SBF2: variants seen among roughly 807,000 people sequenced by gnomAD.
SBF2 encodes the protein SET binding factor 2.
A neutral mutation model predicts 225.2 loss-of-function variants in SBF2; 112 were observed. The ratio of observed to expected loss-of-function variants is 0.50; its 90% CI spans 0.43 to 0.58. SBF2 has a LOEUF of 0.58. Ranked by LOEUF, SBF2 falls within the 20% of genes least tolerant of loss-of-function variation. The pLI, the probability that SBF2 is intolerant of heterozygous loss-of-function variation, is 0.00. For missense variants in SBF2, 1,996 were observed against 2,206.2 expected, an observed-to-expected ratio of 0.90 and a Z score of 1.91; for synonymous variants, 763 against 773.3, an observed-to-expected ratio of 0.99 and a Z score of 0.22.
At chr11:9,912,836 A>G (rs1329804873) in intron 16 of SBF2, among the ~76,000 whole-genome samples, 1 of 152,274 alleles carries the variant, frequency 6.6e-6, no homozygotes, top group Non-Finnish European at 1.5e-5. Context: ...GGCATCATGA[A>G]GAGTCAAATG....
intron 13 of SBF2, among the ~76,000 whole-genome samples, chr11:9,982,423 G>T (rs1590674120): frequency 6.6e-6 from 1 of 152,142 alleles, no homozygotes. Flanking sequence ...GAAAAATGTG[G>T]TCTATTTTGA....
intron 17 of SBF2, among the ~76,000 whole-genome samples, chr11:9,872,305 C>A (rs753143840): frequency 1.3e-5 from 2 of 152,102 alleles, no homozygotes; most frequent in African/African-American, 2.4e-5. Context: ...ACAACACACA[C>A]TGGGGCCTGT....
At chr11:10,251,485 A>T (rs1960343399) in intron 1 of SBF2, among the ~76,000 whole-genome samples, 1 of 152,232 alleles carries the variant, frequency 6.6e-6, no homozygotes, top group South Asian at 2.1e-4. Flanking sequence ...CTTGTGGCCT[A>T]TGGACAAATC....
intron 33 of SBF2, chr11:9,790,897 T>G: frequency 2.3e-6 from 1 of 442,532 alleles, no homozygotes; most frequent in Non-Finnish European, 4.1e-6. Flanking sequence ...AGGAAACATC[T>G]GATAAAGTTT....
At chr11:10,227,148 C>T (rs1958603496) in intron 1 of SBF2, among the ~76,000 whole-genome samples, 1 of 152,108 alleles carries the variant, frequency 6.6e-6, no homozygotes, top group Non-Finnish European at 1.5e-5. Context: ...TGTTCATATC[C>T]TTTGCCCGCT....
chr11:10,263,977 T>C (rs1316096826), intron 1 of SBF2, among the ~76,000 whole-genome samples: 1 of 152,148 alleles, frequency 6.6e-6, no homozygotes, highest in Non-Finnish European at 1.5e-5. Flanking sequence ...AAAGTTAATA[T>C]TAAAAAATAA....
chr11:9,874,470 G>A (rs1451855529), intron 17 of SBF2, among the ~76,000 whole-genome samples: 1 of 152,044 alleles, frequency 6.6e-6, no homozygotes, highest in South Asian at 2.1e-4. Context: ...TATCTTTTAG[G>A]GGCCCAATTT....
intron 17 of SBF2, among the ~76,000 whole-genome samples, chr11:9,893,152 G>C (rs565994735): frequency 6.6e-6 from 1 of 152,284 alleles, no homozygotes; most frequent in Non-Finnish European, 1.5e-5. Flanking sequence ...ATGCTGGCAA[G>C]ACCCAGGAAT....
At chr11:10,108,671 C>T (rs1263025783) in intron 2 of SBF2, among the ~76,000 whole-genome samples, 3 of 151,334 alleles carry the variant, frequency 2.0e-5, no homozygotes, top group Admixed American at 1.3e-4. Context: ...ACTACAGGCG[C>T]CCGCCACCAC....
At chr11:10,110,330 C>T (rs541939581) in intron 2 of SBF2, among the ~76,000 whole-genome samples, 4 of 152,162 alleles carry the variant, frequency 2.6e-5, no homozygotes, top group Admixed American at 1.3e-4. Context: ...TCACAATCAA[C>T]TTAACATCAT....
At chr11:9,856,425 A>G (rs1465949341) in intron 19 of SBF2, 33 bp downstream of exon 19, 3 of 1,612,630 alleles carry the variant, frequency 1.9e-6, no homozygotes, top group Non-Finnish European at 2.5e-6. Context: ...CAAGAAGAGT[A>G]GGAGGAGGGT....
chr11:9,897,340 C>G (rs577789445), intron 16 of SBF2, among the ~76,000 whole-genome samples: 171 of 152,030 alleles, frequency 1.1e-3, no homozygotes, highest in Non-Finnish European at 1.9e-3. Context: ...CAGGTTAAAG[C>G]GATTCTCATG....
intron 2 of SBF2, among the ~76,000 whole-genome samples, chr11:10,143,967 T>C (rs11603118): frequency 0.47 from 72,076 of 151,876 alleles, 17,680 homozygotes; most frequent in Non-Finnish European, 0.54. Context: ...GATCCGCCCG[T>C]CTCGGCCTCC....
intron 1 of SBF2, among the ~76,000 whole-genome samples, chr11:10,228,585 T>C (rs1288218866): frequency 6.6e-6 from 1 of 152,160 alleles, no homozygotes; most frequent in Non-Finnish European, 1.5e-5. Context: ...AATCATGTGG[T>C]TTTTGTCTTT....
At chr11:10,041,019 G>C (rs1452826578) in intron 3 of SBF2, among the ~76,000 whole-genome samples, 1 of 151,994 alleles carries the variant, frequency 6.6e-6, no homozygotes, top group East Asian at 1.9e-4. Context: ...CTTTCTGTCA[G>C]TTTGTCTAGA....
chr11:10,094,954 T>C (rs1363085236), intron 2 of SBF2, among the ~76,000 whole-genome samples: 4 of 151,438 alleles, frequency 2.6e-5, no homozygotes, highest in Admixed American at 6.6e-5. Context: ...TTAAACAGCA[T>C]AGGTTATGGC....
At chr11:9,849,760 C>A (rs1177227253) in intron 22 of SBF2, among the ~76,000 whole-genome samples, 2 of 152,214 alleles carry the variant, frequency 1.3e-5, no homozygotes, top group Non-Finnish European at 2.9e-5. Context: ...GTATAACACT[C>A]TGCCTCATGA....
intron 16 of SBF2, among the ~76,000 whole-genome samples, chr11:9,914,697 C>A (rs1477645485): frequency 6.6e-6 from 1 of 151,578 alleles, no homozygotes; most frequent in Non-Finnish European, 1.5e-5. Flanking sequence ...TGAGGCTTCA[C>A]AAAAATCAAA....
chr11:9,966,177 C>T (rs1315104414), intron 14 of SBF2, among the ~76,000 whole-genome samples: 1 of 152,102 alleles, frequency 6.6e-6, no homozygotes, highest in Non-Finnish European at 1.5e-5. Context: ...CCTCTGCCTC[C>T]TGGGTTCAAG....
Sources: gnomAD v4.1 joint callset for allele counts (sites outside exome capture counted in the v4.1 genomes callset) on GRCh38, gnomAD v4.1.1 for gene constraint, MANE v1.5 for transcripts, NCBI Gene and HGNC (gene_info 2026-07-23, HGNC 2026-07-21) for gene names.